Variants in NDRG2 observed in about 807,000 individuals in gnomAD.
NDRG2 encodes the protein NDRG family member 2.
NDRG2 carries 34 observed loss-of-function variants against 58.2 expected under a neutral mutation model. The ratio of observed to expected loss-of-function variants is 0.58; its 90% CI spans 0.44 to 0.78. The LOEUF (loss-of-function observed/expected upper bound fraction) is 0.78, where lower values mean the gene tolerates loss of function less well. Among genes scored for constraint, NDRG2 ranks in the 30% least tolerant of loss-of-function variants. NDRG2 has a pLI of 0.00. For synonymous variants in NDRG2, 187 were observed against 175.9 expected (o/e 1.06, Z -0.50); for missense variants, 434 against 471.2 (o/e 0.92, Z 0.73).
At chr14:21,046,390 C>T (rs1885145770) in intron 1 of NDRG2, among the ~76,000 whole-genome samples, 1 of 152,014 alleles carries the variant, frequency 6.6e-6, no homozygotes, top group African/African-American at 2.4e-5. Flanking sequence ...GGTATGATGA[C>T]ACATGCCTGT....
At chr14:21,018,953 G>T in intron 11 of NDRG2, 139 bp from the exon 12 acceptor site, 1 of 1,271,726 alleles carries the variant, frequency 7.9e-7, no homozygotes, top group Non-Finnish European at 1.1e-6. Flanking sequence ...GCCACCAAGA[G>T]GATTCAAAGG....
At chr14:21,032,902 T>C (rs921146260) in intron 1 of NDRG2, 9 of 454,908 alleles carry the variant, frequency 2.0e-5, no homozygotes, top group Non-Finnish European at 4.0e-5. Context: ...TCGTGTGCCC[T>C]TCACCCAGTT....
At chr14:21,027,125 C>T (rs940613699), upstream of NDRG2, among the ~76,000 whole-genome samples, 4 of 152,198 alleles carry the variant, frequency 2.6e-5, no homozygotes, top group African/African-American at 9.7e-5. Context: ...GAAATTTCCA[C>T]TGACATCCAT....
intron 1 of NDRG2, 80 bp from the exon 2 acceptor site, chr14:21,023,401 C>A: frequency 1.5e-6 from 2 of 1,303,970 alleles, no homozygotes; most frequent in Non-Finnish European, 2.2e-6. Context: ...CCTCTCTCAG[C>A]ACAGGAAGAT....
chr14:21,058,395 T>G, intron 1 of NDRG2: 1 of 1,401,342 alleles, frequency 7.1e-7, no homozygotes, highest in Non-Finnish European at 9.8e-7. Flanking sequence ...CTCTGCAGAC[T>G]GTATGCTGCT....
intron 1 of NDRG2, chr14:21,030,884 C>T (rs1884054273): frequency 2.0e-6 from 3 of 1,507,054 alleles, no homozygotes; most frequent in Non-Finnish European, 2.7e-6. Flanking sequence ...GCTGTGCTAT[C>T]CTTTGTCTTC....
intron 6 of NDRG2, chr14:21,021,566 C>T (rs1880345087): frequency 1.9e-6 from 1 of 516,864 alleles, no homozygotes; most frequent in African/African-American, 1.9e-5. Flanking sequence ...GAAGGCCCTC[C>T]TTAGCCTGAG....
Position 21,038,194 on chromosome 14 carries a change from G to A in NDRG2, c.25-14873C>T, listed in dbSNP as rs560468691. On this transcript the variant is annotated intron_variant, in intron 1 of 14. Transcript: ENST00000403829. The stretch of plus-strand genomic sequence containing the variant: ...TCCTCATCTGTTAACCATCTCTGTG[G>A]GCTGGAGGCAATCCCACCTCAGACT... 3.9e-5 allele frequency among the ~76,000 whole-genome samples: 6 copies of A among 152,264 alleles called. No homozygotes were observed. The South Asian group carries it at 1.2e-3, about 32-fold the overall frequency.
chr14:21,020,701 C>T, intron 7 of NDRG2, 83 bp downstream of exon 7: 3 of 1,592,558 alleles, frequency 1.9e-6, no homozygotes, highest in Non-Finnish European at 2.6e-6. Context: ...TGCCCACTTC[C>T]TCCCCCAAAC....
intron 1 of NDRG2, among the ~76,000 whole-genome samples, chr14:21,067,953 C>A (rs1886360462): frequency 6.6e-6 from 1 of 151,464 alleles, no homozygotes; most frequent in South Asian, 2.1e-4. Context: ...CCTTACCCCA[C>A]CAGCTCAAAA....
At chr14:21,023,366 C>T (rs762303682) in intron 1 of NDRG2, 45 bp from the exon 2 acceptor site, 49 of 1,532,454 alleles carry the variant, frequency 3.2e-5, no homozygotes, top group South Asian at 3.0e-4. Flanking sequence ...CTCTACATCC[C>T]CACATCGCCT....
chr14:21,054,628 C>T (rs1040383808), intron 1 of NDRG2, among the ~76,000 whole-genome samples: 10 of 152,180 alleles, frequency 6.6e-5, no homozygotes, highest in African/African-American at 2.4e-4. Context: ...AACAGGAAAG[C>T]AGTGTGGCAA....
intron 1 of NDRG2, among the ~76,000 whole-genome samples, chr14:21,050,999 A>G (rs1398914685): frequency 2.6e-5 from 4 of 152,364 alleles, no homozygotes; most frequent in South Asian, 2.1e-4. Flanking sequence ...GAATTTTTCT[A>G]TCATACAAAG....
chr14:21,051,699 A>T (rs902345957), intron 1 of NDRG2, among the ~76,000 whole-genome samples: 1 of 152,196 alleles, frequency 6.6e-6, no homozygotes, highest in Non-Finnish European at 1.5e-5. Flanking sequence ...GGGCTTCCCA[A>T]AAGGAATGTG....
chr14:21,063,518 G>A (rs978620720), intron 1 of NDRG2, among the ~76,000 whole-genome samples: 1 of 152,104 alleles, frequency 6.6e-6, no homozygotes, highest in African/African-American at 2.4e-5. Context: ...GAGACCTGGA[G>A]GTAGACACTA....
Position 21,024,095 on chromosome 14 carries a change from G to A in NDRG2, c.-72C>T, listed in dbSNP as rs1244306089. On this transcript the variant is annotated 5_prime_UTR_variant, in exon 1 of 16. Transcript: ENST00000556147. ...GGTTCTCACTCCTTCTGACTCTGGG[G>A]TCTGAGAAAACACAGCAACGAGGTG... The A allele has an allele frequency of 1.0e-6, 1 of 985,466 alleles. No homozygotes were observed. Among genetic ancestry groups the A allele is most frequent in the Non-Finnish European group, 1.2e-6 (1 of 829,978 alleles). The allele number at this position is 985,466 out of a possible 1,614,324, so 61.0% of individuals were successfully genotyped here.
intron 1 of NDRG2, among the ~76,000 whole-genome samples, chr14:21,050,217 C>T (rs997147401): frequency 9.9e-5 from 15 of 152,172 alleles, no homozygotes; most frequent in Non-Finnish European, 1.6e-4. Context: ...TGACCTTCAC[C>T]TGAATGCTCA....
chr14:21,057,436 CAA>C (rs547716676), intron 1 of NDRG2, among the ~76,000 whole-genome samples: 3 of 127,736 alleles, frequency 2.3e-5, no homozygotes, highest in African/African-American at 5.8e-5. Flanking sequence ...AACTCCATCT[CAA>C]AAAAAAAAAA....
chr14:21,024,967 C>G lies in NDRG2; in HGVS notation c.-944G>C. ...TCCAGGGGACGCGGATCAATCACAC[C>G]GCCCGCCGGCCCGGCTGGCGCCTTC... On this transcript the variant is annotated 5_prime_UTR_variant, in exon 1 of 16. Transcript: ENST00000556147. 23 of 985,648 alleles carry G rather than the reference C, an allele frequency of 2.3e-5. No homozygotes were observed. Among genetic ancestry groups the G allele is most frequent in the Non-Finnish European group, 2.8e-5 (23 of 830,096 alleles). The allele number at this position is 985,648 out of a possible 1,614,324, so 61.1% of individuals were successfully genotyped here. A position where few individuals can be genotyped will look rare whatever the true frequency, so the allele number is the denominator to read the frequency against.
Sources: gnomAD v4.1 joint callset for allele counts (sites outside exome capture counted in the v4.1 genomes callset) on GRCh38, gnomAD v4.1.1 for gene constraint, MANE v1.5 for transcripts, NCBI Gene and HGNC (gene_info 2026-07-23, HGNC 2026-07-21) for gene names.